Variants in DDX5 observed in about 807,000 individuals in gnomAD.
DDX5 encodes the protein DEAD-box helicase 5, also known as probable ATP-dependent RNA helicase DDX5.
Under a neutral mutation model 68.6 loss-of-function variants are expected in DDX5, and 6 were observed. The ratio of observed to expected loss-of-function variants is 0.09; its 90% CI spans 0.05 to 0.17. DDX5 has a LOEUF of 0.17. DDX5 is among the 10% of genes least tolerant of loss of function. The pLI is 1.00. For missense variants in DDX5, 499 were observed against 756.1 expected, an observed-to-expected ratio of 0.66 and a Z score of 3.99; for synonymous variants, 350 against 247.0, an observed-to-expected ratio of 1.42 and a Z score of -3.91.
chr17:64,504,363 C>G (rs1568105284), intron 2 of DDX5, 45 bp from the exon 3 acceptor site: 1 of 1,508,804 alleles, frequency 6.6e-7, no homozygotes, highest in South Asian at 1.1e-5. Flanking sequence ...GACAACCACC[C>G]CTAGCTAAAT....
chr17:64,506,019 G>GGGCCCCC, intron 1 of DDX5, 57 bp downstream of exon 1: 45 of 1,360,278 alleles, frequency 3.3e-5, no homozygotes, highest in Non-Finnish European at 4.1e-5. Flanking sequence ...CCGCCACCCT[G>GGGCCCCC]ACCCGCCCTC....
chr17:64,498,752 A>G lies in DDX5; in HGVS notation c.*1171T>C, dbSNP rs543461058. Among the ~76,000 whole-genome samples the G allele has an allele frequency of 3.9e-5, 6 of 152,318 alleles. No individual in the cohort carries two copies. The South Asian group carries it at 1.2e-3, about 32-fold the overall frequency. On this transcript the variant is annotated 3_prime_UTR_variant, in exon 13 of 13. Coordinates refer to ENST00000225792, the MANE Select transcript of DDX5 (RefSeq NM_004396.5). ...AAAACATTCAGACCCACTTCTAGCT[A>G]TTACTGAAATAAATGATTAGAAAGT...
chr17:64,506,020 A>AGGGCCCCCCCCC, intron 1 of DDX5, 56 bp downstream of exon 1: 2 of 868,034 alleles, frequency 2.3e-6, no homozygotes, highest in Admixed American at 2.3e-5. Flanking sequence ...CGCCACCCTG[A>AGGGCCCCCCCCC]CCCGCCCTCC....
chr17:64,500,879 C>T (rs565389758), intron 11 of DDX5, 106 bp from the exon 12 acceptor site: 31 of 784,962 alleles, frequency 3.9e-5, no homozygotes, highest in African/African-American at 2.6e-4. Flanking sequence ...CAAGAAGGTA[C>T]GGGCTGCAAA....
intron 9 of DDX5, 40 bp downstream of exon 9, chr17:64,502,399 G>A (rs1555671274): frequency 6.5e-7 from 1 of 1,533,864 alleles, no homozygotes. Context: ...TTCCTAAGCT[G>A]TTTTAATCAA....
In DDX5 at chr17:64,506,258, C is replaced by T. The variant is rs2038515391; in HGVS notation, c.-139G>A. Reference sequence around the variant, plus strand: ...ACACCGATGACACCAGCCGAAGCTGCACTACTAGAGACCGGTAGAAATGAA... The same window carrying T: ...ACACCGATGACACCAGCCGAAGCTGTACTACTAGAGACCGGTAGAAATGAA... On this transcript the variant is annotated 5_prime_UTR_variant, in exon 1 of 13. Transcript: ENST00000225792. 2 of 1,545,540 alleles carry T rather than the reference C, an allele frequency of 1.3e-6. No individual in the cohort carries two copies. The highest frequency in any genetic ancestry group is 2.4e-5 in the East Asian group (1 of 40,950).
intron 1 of DDX5, 44 bp downstream of exon 1, chr17:64,506,032 A>AAACCCCCCCCCCCCCCCC: frequency 2.3e-6 from 1 of 442,566 alleles, no homozygotes; most frequent in Non-Finnish European, 3.1e-6. Context: ...CCGCCCTCCC[A>AAACCCCCCCCCCCCCCCC]TCCCCCCACC....
intron 1 of DDX5, 181 bp from the exon 2 acceptor site, chr17:64,505,023 G>C (rs1223789766): frequency 5.4e-6 from 3 of 558,518 alleles, no homozygotes; most frequent in African/African-American, 1.9e-5. Flanking sequence ...ATTTCCCGTA[G>C]TCCCAAGTAC....
chr17:64,498,285 C>T lies in DDX5; in HGVS notation c.*1638G>A, dbSNP rs963240228. Among the ~76,000 whole-genome samples the T allele has an allele frequency of 1.1e-4, 17 of 152,106 alleles. No individual in the cohort carries two copies. Among genetic ancestry groups the T allele is most frequent in the African/African-American group, 3.6e-4 (15 of 41,414 alleles). On this transcript the variant is annotated 3_prime_UTR_variant, in exon 13 of 13. Coordinates refer to ENST00000225792, the MANE Select transcript of DDX5 (RefSeq NM_004396.5). Reference sequence around the variant, plus strand: ...GAAAAATCACATTTATTAGTTAAGACGACCACAGGCTGGACACAACACACA... The same window carrying T: ...GAAAAATCACATTTATTAGTTAAGATGACCACAGGCTGGACACAACACACA...
At chr17:64,505,818 T>C (rs905674335) in intron 1 of DDX5, 1 of 1,535,868 alleles carries the variant, frequency 6.5e-7, no homozygotes, top group African/African-American at 1.4e-5. Context: ...CTCAACTCCC[T>C]CAACAGCTAC....
intron 1 of DDX5, 45 bp downstream of exon 1, chr17:64,506,031 C>A (rs2038496906): frequency 8.0e-6 from 11 of 1,381,792 alleles, no homozygotes; most frequent in Non-Finnish European, 1.1e-5. Context: ...CCCGCCCTCC[C>A]ATCCCCCCAC....
chr17:64,500,138 T>C lies in DDX5; in HGVS notation c.1630A>G (p.Ser544Gly). 1 of 1,614,196 alleles carries C rather than the reference T, an allele frequency of 6.2e-7. No homozygotes were observed. The highest frequency in any genetic ancestry group is 8.5e-7 in the Non-Finnish European group (1 of 1,180,036). Residue 544 changes from serine (S) to glycine (G), a missense_variant, in exon 13 of 13, where the codon AGC becomes GGC. Ser to Gly is a moderately conservative substitution (Grantham distance 56). Around this residue, in one of 5 missense-constraint regions of DDX5, gnomAD observed 171 missense variants for 174.8 expected, o/e 0.98. Transcript: ENST00000225792. ...GCAGACACAAAATTACTTCCAAAGC[T>C]CCCATTGGTGTAATTTGCAGCACTG... ...VYSAANYTNG[S>G]FGSNFVSAGI...
chr17:64,500,363 C>CT, intron 12 of DDX5, 37 bp from the exon 13 acceptor site: 1 of 1,575,804 alleles, frequency 6.3e-7, no homozygotes, highest in Non-Finnish European at 8.6e-7. Context: ...TCAATTATGT[C>CT]TATGACACAA....
At chr17:64,504,152 G>T in intron 3 of DDX5, 36 bp from the exon 4 acceptor site, 1 of 1,613,176 alleles carries the variant, frequency 6.2e-7, no homozygotes, top group Non-Finnish European at 8.5e-7. Flanking sequence ...AAAAATTAGT[G>T]ATGCCAAGAA....
Position 64,504,283 on chromosome 17 carries a change from A to T in DDX5, c.246T>A (p.Ile82=). The change falls in exon 3 of 13, where the codon ATT becomes ATA. Residue 82 remains isoleucine (I), a synonymous_variant. Transcript: ENST00000225792. The part of the protein sequence containing the change: ...EVETYRRSKE[I]TVRGHNCPKP... ...TCGGGCAGTTGTGACCTCTAACTGT[A>T]ATTTCCTTGCTTCTTCTGTATGTTT... The T allele has an allele frequency of 1.9e-6, 3 of 1,614,108 alleles. No individual in the cohort carries two copies. The highest frequency in any genetic ancestry group is 2.5e-6 in the Non-Finnish European group (3 of 1,180,006).
chr17:64,506,147 A>G lies in DDX5; in HGVS notation c.-28T>C. ...CGTCAATGGTTGCGGTTGGCGGGGA[A>G]CGAAGTATATAGAAAAGCGTGCGAC... is the stretch of plus-strand genomic sequence containing the variant. On this transcript the variant is annotated 5_prime_UTR_variant, in exon 1 of 13. Transcript: ENST00000225792. The G allele has an allele frequency of 6.2e-7, 1 of 1,608,274 alleles. No homozygotes were observed. The highest frequency in any genetic ancestry group is 2.2e-5 in the East Asian group (1 of 44,718).
chr17:64,503,688 T>C, intron 5 of DDX5, 115 bp downstream of exon 5: 2 of 1,530,372 alleles, frequency 1.3e-6, no homozygotes, highest in Non-Finnish European at 1.8e-6. Context: ...CAGCTCCAGC[T>C]GAATAGGGTG....
Position 64,499,622 on chromosome 17 carries a change from C to T in DDX5, c.*301G>A, listed in dbSNP as rs1253603753. 1.0e-5 allele frequency: 3 copies of T among 290,670 alleles called. No individual in the cohort carries two copies. Among genetic ancestry groups the T allele is most frequent in the East Asian group, 5.2e-5 (1 of 19,160 alleles). 18.0% of individuals were successfully genotyped at this position (290,670 alleles called of 1,614,324 possible). On this transcript the variant is annotated 3_prime_UTR_variant, in exon 13 of 13. Transcript: ENST00000225792. The stretch of plus-strand genomic sequence containing the variant: ...AATAAAGTACAATTTCCACTTAATT[C>T]AGTCTTCAAATATTTTTTATTGGAA...
chr17:64,503,363 G>A lies in DDX5; in HGVS notation c.650-15C>T, dbSNP rs369491253. 30 of 1,613,866 alleles carry A rather than the reference G, an allele frequency of 1.9e-5. No homozygotes were observed. Among genetic ancestry groups the A allele is most frequent in the Middle Eastern group, 3.3e-4 (2 of 6,084 alleles). On this transcript the variant is annotated splice_polypyrimidine_tract_variant and intron_variant, in intron 6 of 12. Coordinates refer to ENST00000225792, the MANE Select transcript of DDX5 (RefSeq NM_004396.5). The stretch of plus-strand genomic sequence containing the variant: ...GATTTCCACACCTTTAATTAAATAC[G>A]TAAGTGTAACTACAATACCTAGGAT...
Sources: allele counts gnomAD v4.1 joint callset (sites outside exome capture counted in the v4.1 genomes callset), GRCh38; gene constraint gnomAD v4.1.1; regional missense constraint gnomAD v4.1.1; transcripts MANE v1.5; gene names NCBI Gene and HGNC (gene_info 2026-07-23, HGNC 2026-07-21).